Variants in DNAH5 observed in about 807,000 individuals in gnomAD.
DNAH5 encodes axonemal beta dynein heavy chain 5.
Under a neutral mutation model 518.2 loss-of-function variants are expected in DNAH5, and 372 were observed. The observed-to-expected ratio is 0.72, with a 90% CI of 0.66 to 0.78. DNAH5 has a LOEUF of 0.78. DNAH5 is among the 30% of genes least tolerant of loss of function. DNAH5 has a pLI of 0.00. For synonymous variants in DNAH5, 2,039 were observed against 2,025.9 expected (o/e 1.01, Z -0.17); for missense variants, 5,523 against 5,687.0 (o/e 0.97, Z 0.93).
At chr5:13,810,778 A>AAC (rs1760581487) in intron 44 of DNAH5, among the ~76,000 whole-genome samples, 1 of 151,620 alleles carries the variant, frequency 6.6e-6, no homozygotes, top group African/African-American at 2.4e-5. Context: ...ACAAACAAAA[A>AAC]AACAGGGTTT....
chr5:13,708,799 C>G (rs1332404386), intron 75 of DNAH5, among the ~76,000 whole-genome samples: 1 of 152,186 alleles, frequency 6.6e-6, no homozygotes, highest in Non-Finnish European at 1.5e-5. Flanking sequence ...ATCCATCCCC[C>G]CAACCATTCA....
rs970611077 is a variant in DNAH5, at chr5:13,867,954, T to C, written c.3873A>G (p.Ile1291Met). Residue 1291 changes from isoleucine to methionine, a missense_variant, in exon 25 of 79, where the codon ATA becomes ATG. Transcript: ENST00000265104. ...CAACTTTGTCTATCTCTTCCCTTGC[T>C]ATCAGAAGTCCATATCTGTTAAGCA... is the stretch of plus-strand genomic sequence containing the variant. ...YALLNRYGLL[I>M]AREEIDKVDT... 1 of 1,613,826 alleles carries C rather than the reference T, an allele frequency of 6.2e-7. No homozygotes were observed. Among genetic ancestry groups the C allele is most frequent in the Non-Finnish European group, 8.5e-7 (1 of 1,179,960 alleles).
intron 65 of DNAH5, among the ~76,000 whole-genome samples, chr5:13,742,269 A>C (rs1427576227): frequency 6.6e-6 from 1 of 152,126 alleles, no homozygotes; most frequent in African/African-American, 2.4e-5. Flanking sequence ...ACCAGGTCTT[A>C]TCAATTCTTG....
chr5:13,853,105 C>T (rs1767123948), intron 30 of DNAH5, among the ~76,000 whole-genome samples: 2 of 152,316 alleles, frequency 1.3e-5, no homozygotes, highest in East Asian at 1.9e-4. Flanking sequence ...CCAACAGACA[C>T]CTCATACAGG....
chr5:13,714,049 T>G (rs1256780317), intron 75 of DNAH5, among the ~76,000 whole-genome samples: 1 of 152,196 alleles, frequency 6.6e-6, no homozygotes, highest in African/African-American at 2.4e-5. Context: ...ACATAAAATG[T>G]ATTTTTGAAT....
chr5:13,850,897 G>A, intron 30 of DNAH5, 82 bp from the exon 31 acceptor site: 1 of 1,431,006 alleles, frequency 7.0e-7, no homozygotes, highest in South Asian at 1.2e-5. Flanking sequence ...TCCTCCAGCT[G>A]AGGCTAGAGC....
chr5:13,714,900 T>C (rs1193043832), intron 74 of DNAH5, among the ~76,000 whole-genome samples: 2 of 152,176 alleles, frequency 1.3e-5, no homozygotes, highest in Non-Finnish European at 2.9e-5. Flanking sequence ...ATATGTGAGA[T>C]AGAAAGGGAG....
At chr5:13,783,641 AC>A (rs1287811059) in intron 52 of DNAH5, among the ~76,000 whole-genome samples, 10 of 152,168 alleles carry the variant, frequency 6.6e-5, no homozygotes, top group Admixed American at 5.2e-4. Context: ...TTGAACTTTC[AC>A]CAAAGAGACA....
At chr5:13,939,506 C>A (rs924863934) in intron 1 of DNAH5, among the ~76,000 whole-genome samples, 1 of 152,146 alleles carries the variant, frequency 6.6e-6, no homozygotes, top group Non-Finnish European at 1.5e-5. Flanking sequence ...GAGCCCTCTA[C>A]AATCAACCCT....
At chr5:13,971,730 T>C (rs920238321) in intron 1 of DNAH5, among the ~76,000 whole-genome samples, 2 of 152,188 alleles carry the variant, frequency 1.3e-5, no homozygotes, top group Non-Finnish European at 2.9e-5. Context: ...TTTTGCTTAA[T>C]GTGCTGGTTT....
chr5:13,765,570 A>G (rs898266504), intron 59 of DNAH5, among the ~76,000 whole-genome samples: 1 of 152,302 alleles, frequency 6.6e-6, no homozygotes, highest in African/African-American at 2.4e-5. Context: ...ACATATGTAA[A>G]TATTCATCAA....
intron 1 of DNAH5, among the ~76,000 whole-genome samples, chr5:13,965,562 G>A (rs1299175007): frequency 6.6e-6 from 1 of 152,162 alleles, no homozygotes; most frequent in Non-Finnish European, 1.5e-5. Context: ...TTATTTGGCA[G>A]AGAGAACTGC....
rs773606612 is a variant in DNAH5, at chr5:13,751,266, T to A, written c.11029-6A>T. ...TCCTTGTCACCAACTTTCACCTTTTTTATAAAAAGAAATTTAAAAGTAATA... is the reference window on the plus strand; with the variant it reads ...TCCTTGTCACCAACTTTCACCTTTTATATAAAAAGAAATTTAAAAGTAATA... On this transcript the variant is annotated splice_region_variant and splice_polypyrimidine_tract_variant and intron_variant, in intron 64 of 78. Transcript: ENST00000265104. 2 of 1,609,498 alleles carry A rather than the reference T, an allele frequency of 1.2e-6. No individual in the cohort carries two copies. Among genetic ancestry groups the A allele is most frequent in the Non-Finnish European group, 1.7e-6 (2 of 1,177,958 alleles).
At chr5:13,740,382 A>T (rs546036166) in intron 65 of DNAH5, among the ~76,000 whole-genome samples, 1 of 152,150 alleles carries the variant, frequency 6.6e-6, no homozygotes, top group Non-Finnish European at 1.5e-5. Flanking sequence ...CTTTCCACTC[A>T]GAGTGAAAGG....
intron 75 of DNAH5, among the ~76,000 whole-genome samples, chr5:13,713,107 G>GTGTGTATATA (rs70962100): frequency 8.6e-5 from 12 of 139,920 alleles, no homozygotes; most frequent in African/African-American, 2.4e-4. Flanking sequence ...GTGTGTGTGT[G>GTGTGTATATA]TATATATATA....
In DNAH5 at chr5:13,737,490, C is replaced by A; in HGVS notation, c.11217G>T (p.Leu3739Phe). The change falls in exon 66 of 79, where the codon TTG becomes TTT. Residue 3739 changes from leucine to phenylalanine, a missense_variant. By Grantham distance (22) the Leu-to-Phe change is conservative (BLOSUM62 0). This residue lies in a region of DNAH5 where 5,121 missense variants were observed against 5,223.3 expected (regional missense o/e 0.98). Transcript: ENST00000265104. Reference protein sequence around the residue: ...GRVILTEKQELEKERTHLMED... With the variant: ...GRVILTEKQEFEKERTHLMED... The stretch of plus-strand genomic sequence containing the variant: ...CCATCAGATGAGTTCTTTCTTTCTC[C>A]AATTCCTATTAATTTGCATAAATAT... 1 of 1,613,648 alleles carries A rather than the reference C, an allele frequency of 6.2e-7. No homozygotes were observed. The highest frequency in any genetic ancestry group is 8.5e-7 in the Non-Finnish European group (1 of 1,179,716).
intron 58 of DNAH5, 36 bp from the exon 59 acceptor site, chr5:13,766,215 T>A (rs970830903): frequency 6.2e-7 from 1 of 1,610,322 alleles, no homozygotes; most frequent in Admixed American, 1.7e-5. Flanking sequence ...CAACCACAGA[T>A]AGGAAAGCAC....
intron 47 of DNAH5, among the ~76,000 whole-genome samples, chr5:13,803,840 C>T (rs774608840): frequency 6.6e-6 from 1 of 152,068 alleles, no homozygotes; most frequent in African/African-American, 2.4e-5. Context: ...ATCTACTGCA[C>T]AAGATGTCAC....
At chr5:13,740,835 T>C (rs1748411144) in intron 65 of DNAH5, among the ~76,000 whole-genome samples, 2 of 152,174 alleles carry the variant, frequency 1.3e-5, no homozygotes, top group African/African-American at 4.8e-5. Flanking sequence ...ACCAGCTGAC[T>C]CCCCAGCTCT....
Sources: allele counts gnomAD v4.1 joint callset (sites outside exome capture counted in the v4.1 genomes callset), GRCh38; gene constraint gnomAD v4.1.1; regional missense constraint gnomAD v4.1.1; transcripts MANE v1.5; gene names NCBI Gene and HGNC (gene_info 2026-07-23, HGNC 2026-07-21).